Variants in IFT140 observed in about 807,000 individuals in gnomAD.
The protein encoded by IFT140 is intraflagellar transport protein 140 homolog.
Under a neutral mutation model 164.6 loss-of-function variants are expected in IFT140, and 133 were observed. The ratio of observed to expected loss-of-function variants is 0.81; its 90% CI spans 0.70 to 0.93. IFT140 has a LOEUF of 0.93. IFT140 is among the 40% of genes least tolerant of loss of function. IFT140 has a pLI of 0.00. For synonymous variants in IFT140, 860 were observed against 817.3 expected (o/e 1.05, Z -0.89); for missense variants, 2,045 against 1,972.3 (o/e 1.04, Z -0.70).
At chr16:1,528,396 CGGATGCACACACAT>C (rs1483352997) in intron 19 of IFT140, among the ~76,000 whole-genome samples, 11 of 150,894 alleles carry the variant, frequency 7.3e-5, no homozygotes, top group South Asian at 6.3e-4. Flanking sequence ...TGCACACACA[CGGATGCACACACAT>C]GGACGCACAT....
At chr16:1,591,175 C>T (rs756536178) in intron 6 of IFT140, among the ~76,000 whole-genome samples, 3 of 152,194 alleles carry the variant, frequency 2.0e-5, no homozygotes, top group Admixed American at 1.3e-4. Flanking sequence ...AGCCAGGCTC[C>T]TCCCTGGCAC....
intron 18 of IFT140, among the ~76,000 whole-genome samples, chr16:1,559,920 GAAC>G (rs1162646835): frequency 6.6e-6 from 1 of 152,212 alleles, no homozygotes; most frequent in Non-Finnish European, 1.5e-5. Flanking sequence ...CTGCTCTCTG[GAAC>G]AACAACTATG....
In IFT140 at chr16:1,612,066, C is replaced by G. The variant is rs1473767458; in HGVS notation, c.-320G>C. On this transcript the variant is annotated 5_prime_UTR_variant, in exon 1 of 31. Coordinates refer to ENST00000426508, the MANE Select transcript of IFT140 (RefSeq NM_014714.4). ...TTTTCTTCTCACGTATCCGTCAACA[C>G]TGCTGCGGCCAATCACAGCACGGGC... 1 of 152,282 alleles carries G rather than the reference C, an allele frequency of 6.6e-6. No individual in the cohort carries two copies. The highest frequency in any genetic ancestry group is 2.4e-5 in the African/African-American group (1 of 41,470). The allele number at this position is 152,282 out of a possible 1,614,324, so 9.4% of individuals were successfully genotyped here. A position where few individuals can be genotyped will look rare whatever the true frequency, so the allele number is the denominator to read the frequency against.
Position 1,524,620 on chromosome 16 carries a change from C to T in IFT140, c.3073G>A (p.Glu1025Lys), listed in dbSNP as rs748646272. 2 of 1,603,432 alleles carry T rather than the reference C, an allele frequency of 1.2e-6. No homozygotes were observed. Among genetic ancestry groups the T allele is most frequent in the Non-Finnish European group, 1.7e-6 (2 of 1,172,894 alleles). ...HLARQYESQE[E>K]VGQAVHFYTR... ...TAGAAGTGCACCGCCTGCCCGACCT[C>T]CTCCTGGCTCTCGTACTGGCGGGCG... Residue 1025 changes from glutamate (E) to lysine (K), a missense_variant, in exon 24 of 31, where the codon GAG becomes AAG. Physicochemically the swap from Glu to Lys is moderately conservative, Grantham distance 56 (BLOSUM62 1). Coordinates refer to ENST00000426508, the MANE Select transcript of IFT140 (RefSeq NM_014714.4).
chr16:1,584,585 T>C lies in IFT140; in HGVS notation c.1156-165A>G, dbSNP rs1161751140. Among the ~76,000 whole-genome samples, 5 of 152,266 alleles carry C rather than the reference T, an allele frequency of 3.3e-5. No individual in the cohort carries two copies. In the East Asian group the frequency reaches 5.8e-4, roughly 18 times the overall value. ...ATAAGACATTATAAGAAAAGTCTTATAAAGGTAAAGAGTATGCTGTGTAGA... is the reference window on the plus strand; with the variant it reads ...ATAAGACATTATAAGAAAAGTCTTACAAAGGTAAAGAGTATGCTGTGTAGA... On this transcript the variant is annotated intron_variant, in intron 10 of 30. Transcript: ENST00000426508.
Position 1,607,299 on chromosome 16 carries a change from T to C in IFT140, c.-31-2A>G. The C allele has an allele frequency of 6.3e-7, 1 of 1,581,464 alleles. No individual in the cohort carries two copies. Among genetic ancestry groups the C allele is most frequent in the South Asian group, 1.2e-5 (1 of 86,758 alleles). On this transcript the variant is annotated splice_acceptor_variant, in intron 2 of 30. Transcript: ENST00000426508. LOFTEE classifies it low-confidence loss of function (5UTR_SPLICE). Reference sequence around the variant, plus strand: ...CTCAGGCCTCCTCAGCGCTGAAACCTGCAGGGAAAAAAAAATGACCAAGTC... The same window carrying C: ...CTCAGGCCTCCTCAGCGCTGAAACCCGCAGGGAAAAAAAAATGACCAAGTC...
At position 1,553,227 on chromosome 16, in the gene IFT140, T is replaced by A. The variant is rs2032817800; in HGVS notation, c.2399+4708A>T. ...CTGTCTCTGTCTCTCTCTGTCTCCATCTGTCTCTGTGTCTGTCTCTGTCTC... is the reference window on the plus strand; with the variant it reads ...CTGTCTCTGTCTCTCTCTGTCTCCAACTGTCTCTGTGTCTGTCTCTGTCTC... On this transcript the variant is annotated intron_variant, in intron 19 of 30. Coordinates refer to ENST00000426508, the MANE Select transcript of IFT140 (RefSeq NM_014714.4). The surrounding 1 kb of genome is among the most constrained non-coding windows in gnomAD (Gnocchi z 4.4). 2.0e-6 allele frequency: 2 copies of A among 978,888 alleles called. No individual in the cohort carries two copies. The highest frequency in any genetic ancestry group is 1.1e-4 in the East Asian group (1 of 8,800). The allele number at this position is 978,888 out of a possible 1,614,324, so 60.6% of individuals were successfully genotyped here. A position where few individuals can be genotyped will look rare whatever the true frequency, so the allele number is the denominator to read the frequency against.
Position 1,520,702 on chromosome 16 carries a change from G to A in IFT140, c.3560C>T (p.Ser1187Leu), listed in dbSNP as rs952706482. 1.6e-5 allele frequency: 25 copies of A among 1,611,864 alleles called. No homozygotes were observed. Among genetic ancestry groups the A allele is most frequent in the Admixed American group, 1.3e-4 (8 of 59,892 alleles). The change falls in exon 27 of 31, where the codon TCG (serine) becomes TTG (leucine). Residue 1187 changes from serine to leucine, a missense_variant. Physicochemically the swap from Ser to Leu is moderately radical, Grantham distance 145 (BLOSUM62 -2). Coordinates refer to ENST00000426508, the MANE Select transcript of IFT140 (RefSeq NM_014714.4). ...TATCTGCTCCAGCAGCTCCCGCCGC[G>A]ACTCCTCAGGCAGGTCCGAGGAGTC... Reference protein sequence around the residue: ...AKDSSDLPEESRRELLEQIAD... With the variant: ...AKDSSDLPEELRRELLEQIAD...
chr16:1,601,614 G>A (rs1282794594), intron 4 of IFT140, among the ~76,000 whole-genome samples: 1 of 152,256 alleles, frequency 6.6e-6, no homozygotes, highest in Non-Finnish European at 1.5e-5. Context: ...GAGGGTGGAT[G>A]CGTGTCCTTG....
In IFT140 at chr16:1,572,655, A is replaced by C. The variant is rs887008202; in HGVS notation, c.1525-1121T>G. Among the ~76,000 whole-genome samples, 4 of 152,172 alleles carry C rather than the reference A, an allele frequency of 2.6e-5. No homozygotes were observed. The East Asian group carries it at 7.7e-4, about 29-fold the overall frequency. On this transcript the variant is annotated intron_variant, in intron 13 of 30. Transcript: ENST00000426508. ...AGCAAGACTCCATCTCAAAGAAACA[A>C]CAACAAAAAAGAAAGCATATACCCC...
At chr16:1,541,419 G>A in intron 19 of IFT140, 9 of 985,386 alleles carry the variant, frequency 9.1e-6, no homozygotes, top group Non-Finnish European at 1.1e-5. Context: ...ACACCACCAT[G>A]AGCCGCTTGG....
At chr16:1,558,578 G>A (rs2033232865) in intron 18 of IFT140, among the ~76,000 whole-genome samples, 1 of 152,238 alleles carries the variant, frequency 6.6e-6, no homozygotes, top group African/African-American at 2.4e-5. Flanking sequence ...TGGCTTGCTG[G>A]AGGCCCATCC....
chr16:1,592,284 C>T lies in IFT140; in HGVS notation c.526G>A (p.Gly176Ser), dbSNP rs201849591. Residue 176 changes from glycine (G) to serine (S), a missense_variant, in exon 6 of 31, where the codon GGT becomes AGT. Physicochemically the swap from Gly to Ser is moderately conservative, Grantham distance 56. Coordinates refer to ENST00000426508, the MANE Select transcript of IFT140 (RefSeq NM_014714.4). ...AACATGTCCAGGGCTTTCTCATCACCGCTCACAGCTGCCTTTGCCAACTGA... is the reference window on the plus strand; with the variant it reads ...AACATGTCCAGGGCTTTCTCATCACTGCTCACAGCTGCCTTTGCCAACTGA... ...LVQLAKAAVS[G>S]DEKALDMFNW... The T allele has an allele frequency of 4.2e-5, 68 of 1,614,170 alleles. 1 individual carries two copies. Among genetic ancestry groups the T allele is most frequent in the East Asian group, 6.7e-5 (3 of 44,880 alleles).
intron 19 of IFT140, among the ~76,000 whole-genome samples, chr16:1,557,381 C>T (rs1317123204): frequency 1.3e-5 from 2 of 152,186 alleles, no homozygotes. Context: ...TATCACTGCA[C>T]GTTGAGGGAG....
chr16:1,596,372 G>C (rs1390756940), intron 4 of IFT140, among the ~76,000 whole-genome samples: 1 of 152,092 alleles, frequency 6.6e-6, no homozygotes, highest in African/African-American at 2.4e-5. Context: ...AGTGACTTTA[G>C]AAATCTTTAT....
intron 19 of IFT140, 140 bp downstream of exon 19, chr16:1,557,794 TG>T: frequency 1.2e-6 from 1 of 829,830 alleles, no homozygotes; most frequent in Non-Finnish European, 1.9e-6. Flanking sequence ...TTTCATCGAG[TG>T]GGAAGACCAT....
intron 30 of IFT140, 150 bp from the exon 31 acceptor site, chr16:1,511,300 T>C: frequency 1.4e-6 from 1 of 731,532 alleles, no homozygotes; most frequent in South Asian, 1.5e-5. Context: ...TTCCCATTGG[T>C]GATGGGGGAA....
chr16:1,528,420 T>TGCACACACAGATGC (rs1334267011), intron 19 of IFT140, among the ~76,000 whole-genome samples: 1 of 120,306 alleles, frequency 8.3e-6, no homozygotes, highest in Non-Finnish European at 1.6e-5. Flanking sequence ...TGGACGCACA[T>TGCACACACAGATGC]GCACACACAG....
At chr16:1,539,901 C>T (rs1342139231) in intron 19 of IFT140, among the ~76,000 whole-genome samples, 3 of 152,208 alleles carry the variant, frequency 2.0e-5, no homozygotes, top group East Asian at 1.9e-4. Flanking sequence ...CCACTCTCTG[C>T]GCACTGCCCT....
Sources: gnomAD v4.1 joint callset for allele counts (sites outside exome capture counted in the v4.1 genomes callset) on GRCh38, gnomAD v4.1.1 for gene constraint, Gnocchi (gnomAD v3.1) non-coding constraint, MANE v1.5 for transcripts, NCBI Gene and HGNC (gene_info 2026-07-23, HGNC 2026-07-21) for gene names.